Variants in SMARCA4 observed in about 807,000 individuals in gnomAD.
SMARCA4 encodes SWI/SNF-related matrix-associated actin-dependent regulator of chromatin subfamily A member 4.
Under a neutral mutation model 193.9 loss-of-function variants are expected in SMARCA4, and 31 were observed. That is an observed-to-expected ratio of 0.16 (90% CI 0.12 to 0.22). The LOEUF is 0.22. Ranked by LOEUF, SMARCA4 falls within the 10% of genes least tolerant of loss-of-function variation. The pLI, the probability that SMARCA4 is intolerant of heterozygous loss-of-function variation, is 1.00. For missense variants in SMARCA4, 1,148 were observed against 2,296.0 expected, an observed-to-expected ratio of 0.50 and a Z score of 10.22; for synonymous variants, 942 against 933.1, an observed-to-expected ratio of 1.01 and a Z score of -0.17.
At chr19:10,964,607 C>T (rs771105665) in intron 1 of SMARCA4, among the ~76,000 whole-genome samples, 2 of 150,804 alleles carry the variant, frequency 1.3e-5, no homozygotes, top group East Asian at 1.9e-4. Flanking sequence ...TATGAGCCAC[C>T]GCGCCCGGCC....
intron 22 of SMARCA4, 133 bp downstream of exon 22, chr19:11,025,641 C>G (rs2090198820): frequency 2.8e-6 from 2 of 709,796 alleles, no homozygotes; most frequent in Non-Finnish European, 5.1e-6. Flanking sequence ...ACATCTGTCT[C>G]TCATTTGGTC....
intron 1 of SMARCA4, among the ~76,000 whole-genome samples, chr19:10,976,379 C>T (rs553785093): frequency 6.6e-6 from 1 of 152,122 alleles, no homozygotes; most frequent in Non-Finnish European, 1.5e-5. Flanking sequence ...GGTGAGCTGG[C>T]CAGGAGGAGG....
At chr19:11,059,729 C>G in intron 32 of SMARCA4, 24 bp from the exon 33 acceptor site, 1 of 1,554,302 alleles carries the variant, frequency 6.4e-7, no homozygotes, top group Non-Finnish European at 8.7e-7. Flanking sequence ...CCCATCCACT[C>G]AAGCCCCTGG....
At chr19:11,029,144 T>C (rs1254844286) in intron 24 of SMARCA4, among the ~76,000 whole-genome samples, 1 of 152,212 alleles carries the variant, frequency 6.6e-6, no homozygotes, top group Non-Finnish European at 1.5e-5. Flanking sequence ...CTTCCCACTT[T>C]CAGCTTTGAG....
At chr19:10,983,908 C>T (rs1466342453) in intron 1 of SMARCA4, among the ~76,000 whole-genome samples, 1 of 152,102 alleles carries the variant, frequency 6.6e-6, no homozygotes, top group Admixed American at 6.6e-5. Context: ...GCGTGGCCCA[C>T]CCCTTCCTGG....
rs2075628553 is a variant in SMARCA4 at position 11,041,745 on chromosome 19, CACACA to C, written c.4424+186_4424+190del. ...GAACATGCTTTCTGGAACAGGGAAG[CACACA>C]TGTATCTGCGGTGATGAGAGGGAAT... On this transcript the variant is annotated intron_variant, in intron 30 of 34. Transcript: ENST00000344626. The surrounding 1 kb of genome is among the most constrained non-coding windows in gnomAD (Gnocchi z 5.6). Among the ~76,000 whole-genome samples the C allele has an allele frequency of 6.6e-6, 1 of 152,154 alleles. No homozygotes were observed. Among genetic ancestry groups the C allele is most frequent in the Non-Finnish European group, 1.5e-5 (1 of 68,032 alleles).
chr19:11,022,055 G>A, intron 19 of SMARCA4, 88 bp downstream of exon 19: 1 of 1,588,170 alleles, frequency 6.3e-7, no homozygotes, highest in Non-Finnish European at 8.6e-7. Flanking sequence ...GCTACAGCTG[G>A]CTGGGCCTGT....
At chr19:11,012,747 A>G in intron 15 of SMARCA4, 1 of 633,714 alleles carries the variant, frequency 1.6e-6, no homozygotes, top group East Asian at 2.8e-5. Flanking sequence ...CTGCAGCTTC[A>G]CAGACGTTAT....
intron 6 of SMARCA4, among the ~76,000 whole-genome samples, chr19:10,988,893 T>C (rs1414330817): frequency 6.6e-6 from 1 of 152,194 alleles, no homozygotes; most frequent in Non-Finnish European, 1.5e-5. Context: ...CCTTCGCATG[T>C]AACCTTCGTA....
rs759031274 is a variant in SMARCA4 at position 11,027,776 on chromosome 19, C to T, written c.3216-8C>T. 13 of 1,613,914 alleles carry T rather than the reference C, an allele frequency of 8.1e-6. No individual in the cohort carries two copies. In the East Asian group the frequency reaches 2.4e-4, roughly 30 times the overall value. On this transcript the variant is annotated splice_region_variant and splice_polypyrimidine_tract_variant and intron_variant, in intron 23 of 34. Coordinates refer to ENST00000344626, the MANE Select transcript of SMARCA4 (RefSeq NM_003072.5). ...TGCGCCTTCTCTCCTGCCTCCTCCA[C>T]ACTCCAGGCTGGACCTGTACCGAGC...
rs1555750794 is a variant in SMARCA4, at chr19:10,984,257, C to T, written c.106C>T (p.Pro36Ser). 2 of 1,611,742 alleles carry T rather than the reference C, an allele frequency of 1.2e-6. No individual in the cohort carries two copies. Among genetic ancestry groups the T allele is most frequent in the South Asian group, 1.1e-5 (1 of 90,828 alleles). ...GCTGGGCCCTAGCCCGGGTCCCTCG[C>T]CGGGCTCCGCCCACAGCATGATGGG... ...AMLGPSPGPS[P>S]GSAHSMMGPS... The change falls in exon 2 of 35, where the codon CCG (proline) becomes TCG (serine). Residue 36 changes from proline to serine, a missense_variant. Transcript: ENST00000344626. The surrounding 1 kb of genome is among the most constrained non-coding windows in gnomAD (Gnocchi z 4.3).
rs186823009 is a variant in SMARCA4, at chr19:11,039,474, A to G, written c.4171-1833A>G. ...TTGTTGTAGAAAATTACAGGAAAAGATATCCATGACACAGCCAGCAGTGTG... is the reference window on the plus strand; with the variant it reads ...TTGTTGTAGAAAATTACAGGAAAAGGTATCCATGACACAGCCAGCAGTGTG... On this transcript the variant is annotated intron_variant, in intron 29 of 34. Transcript: ENST00000344626. The G allele has an allele frequency of 8.7e-5, 139 of 1,598,468 alleles. No homozygotes were observed. In the South Asian group the frequency reaches 1.5e-3, roughly 17 times the overall value.
chr19:10,962,212 T>G (rs1282043753), intron 1 of SMARCA4, among the ~76,000 whole-genome samples: 3 of 152,152 alleles, frequency 2.0e-5, no homozygotes, highest in Admixed American at 6.6e-5. Flanking sequence ...AAGGGGGTAA[T>G]CTCCCAAATG....
At chr19:10,999,672 T>C (rs1332476473) in intron 11 of SMARCA4, among the ~76,000 whole-genome samples, 2 of 151,930 alleles carry the variant, frequency 1.3e-5, no homozygotes, top group Non-Finnish European at 2.9e-5. Flanking sequence ...GCAAAAAGAA[T>C]CTTGAGGTTA....
At chr19:11,002,031 T>G (rs1354323423) in intron 11 of SMARCA4, among the ~76,000 whole-genome samples, 1 of 152,092 alleles carries the variant, frequency 6.6e-6, no homozygotes, top group African/African-American at 2.4e-5. Flanking sequence ...AGAATGTAAA[T>G]TATATAACCG....
In SMARCA4 at chr19:11,033,268, TGACTGG is replaced by T. The variant is rs1318784661; in HGVS notation, c.3547-21_3547-16del. ...ATGACCTCCTGGGCTCCTTTGGGAC[TGACTGG>T]CACCTCTTCCCCCAGGACCTGCAAG... is the stretch of plus-strand genomic sequence containing the variant. On this transcript the variant is annotated splice_polypyrimidine_tract_variant and intron_variant, in intron 25 of 34. Coordinates refer to ENST00000344626, the MANE Select transcript of SMARCA4 (RefSeq NM_003072.5). The surrounding 1 kb of genome is among the most constrained non-coding windows in gnomAD (Gnocchi z 9.8). 3.3e-5 allele frequency: 53 copies of T among 1,599,162 alleles called. No individual in the cohort carries two copies. Among genetic ancestry groups the T allele is most frequent in the Non-Finnish European group, 4.5e-5 (53 of 1,167,822 alleles).
rs1039215286 is a variant in SMARCA4 at position 11,031,054 on chromosome 19, G to A, written c.3546+161G>A. On this transcript the variant is annotated intron_variant, in intron 25 of 34. Coordinates refer to ENST00000344626, the MANE Select transcript of SMARCA4 (RefSeq NM_003072.5). This position sits in a 1 kb window ranked among gnomAD's most constrained non-coding sequence, Gnocchi z 4.3. ...CCATATCTCCATAGGTCATCAGGGAGAAAAGAGGCGGGGTCCTCCTGTTTC... is the reference window on the plus strand; with the variant it reads ...CCATATCTCCATAGGTCATCAGGGAAAAAAGAGGCGGGGTCCTCCTGTTTC... 1 of 707,452 alleles carries A rather than the reference G, an allele frequency of 1.4e-6. No homozygotes were observed. The highest frequency in any genetic ancestry group is 2.5e-6 in the Non-Finnish European group (1 of 399,328). The allele number at this position is 707,452 out of a possible 1,614,324, so 43.8% of individuals were successfully genotyped here.
Position 11,019,574 on chromosome 19 carries a change from T to C in SMARCA4, c.2506-17T>C. 1 of 1,585,960 alleles carries C rather than the reference T, an allele frequency of 6.3e-7. No individual in the cohort carries two copies. Among genetic ancestry groups the C allele is most frequent in the Non-Finnish European group, 8.6e-7 (1 of 1,159,412 alleles). On this transcript the variant is annotated splice_polypyrimidine_tract_variant and intron_variant, in intron 17 of 34. Transcript: ENST00000344626. This position sits in a 1 kb window ranked among gnomAD's most constrained non-coding sequence, Gnocchi z 6.1. Reference sequence around the variant, plus strand: ...CCGGCTCCAAAAGCCGAGCTGTGCATCCTGCTTCCCTTGCAGGGATCCCCA... The same window carrying C: ...CCGGCTCCAAAAGCCGAGCTGTGCACCCTGCTTCCCTTGCAGGGATCCCCA...
intron 14 of SMARCA4, among the ~76,000 whole-genome samples, chr19:11,009,828 A>G (rs1352510072): frequency 6.6e-6 from 1 of 151,860 alleles, no homozygotes; most frequent in Non-Finnish European, 1.5e-5. Flanking sequence ...AGCTGGGACT[A>G]CAGGCGCCTG....
Sources: allele counts gnomAD v4.1 joint callset (sites outside exome capture counted in the v4.1 genomes callset), GRCh38; gene constraint gnomAD v4.1.1; non-coding constraint Gnocchi (gnomAD v3.1); transcripts MANE v1.5; gene names NCBI Gene and HGNC (gene_info 2026-07-23, HGNC 2026-07-21).